Variants in CRMP1 observed in about 807,000 individuals in gnomAD.
The protein encoded by CRMP1 is dihydropyrimidinase-related protein 1.
CRMP1 carries 19 observed loss-of-function variants against 68.3 expected under a neutral mutation model. The ratio of observed to expected loss-of-function variants is 0.28; its 90% CI spans 0.19 to 0.41. CRMP1 has a LOEUF of 0.41. Ranked by LOEUF, CRMP1 falls within the 10% of genes least tolerant of loss-of-function variation. CRMP1 has a pLI of 1.00. For synonymous variants in CRMP1, 439 were observed against 399.6 expected (o/e 1.10, Z -1.18); for missense variants, 791 against 967.4 (o/e 0.82, Z 2.42).
In CRMP1 at chr4:5,872,153, G is replaced by A. The variant is rs905148343; in HGVS notation, c.382-5397C>T. The stretch of plus-strand genomic sequence containing the variant: ...GAACTTAGAACCCTCCCCCACCCAA[G>A]TAATAAGATCAACGGGCCTTGCCTT... On this transcript the variant is annotated intron_variant, in intron 1 of 13. Transcript: ENST00000324989. This position sits in a 1 kb window ranked among gnomAD's most constrained non-coding sequence, Gnocchi z 4.6. Among the ~76,000 whole-genome samples the A allele has an allele frequency of 6.6e-6, 1 of 151,854 alleles. No individual in the cohort carries two copies. Among genetic ancestry groups the A allele is most frequent in the African/African-American group, 2.4e-5 (1 of 41,334 alleles).
In CRMP1 at chr4:5,834,946, G is replaced by A. The variant is rs1026878875; in HGVS notation, c.1623+969C>T. Reference sequence around the variant, plus strand: ...GCAGGCCATGTCTGTGGCAGCCAATGGATACTCCAGGGCCATGGCCGTGAG... The same window carrying A: ...GCAGGCCATGTCTGTGGCAGCCAATAGATACTCCAGGGCCATGGCCGTGAG... On this transcript the variant is annotated intron_variant, in intron 11 of 13. Coordinates refer to ENST00000324989, the MANE Select transcript of CRMP1 (RefSeq NM_001014809.3). The surrounding 1 kb of genome is among the most constrained non-coding windows in gnomAD (Gnocchi z 4.3). Among the ~76,000 whole-genome samples the A allele has an allele frequency of 2.6e-5, 4 of 152,168 alleles. No individual in the cohort carries two copies. Among genetic ancestry groups the A allele is most frequent in the Admixed American group, 1.3e-4 (2 of 15,282 alleles).
chr4:5,871,345 C>CCCGGTG (rs1375952407), intron 1 of CRMP1, among the ~76,000 whole-genome samples: 1 of 152,142 alleles, frequency 6.6e-6, no homozygotes, highest in African/African-American at 2.4e-5. Context: ...ACAGGGGTTA[C>CCCGGTG]CCGGTGCCGT....
At position 5,850,859 on chromosome 4, in the gene CRMP1, T is replaced by C. The variant is rs1712568677; in HGVS notation, c.882+549A>G. On this transcript the variant is annotated intron_variant, in intron 5 of 13. Transcript: ENST00000324989. The surrounding 1 kb of genome is among the most constrained non-coding windows in gnomAD (Gnocchi z 4.4). ...TAACCACTCCTCCTGAAGAACAACT[T>C]GCGGCTCCATATCCCTTGACTTGGT... 1.3e-5 allele frequency among the ~76,000 whole-genome samples: 2 copies of C among 152,164 alleles called. No individual in the cohort carries two copies. The highest frequency in any genetic ancestry group is 2.9e-5 in the Non-Finnish European group (2 of 68,028).
intron 6 of CRMP1, among the ~76,000 whole-genome samples, chr4:5,844,654 G>C (rs540589442): frequency 6.6e-6 from 1 of 152,238 alleles, no homozygotes; most frequent in Non-Finnish European, 1.5e-5. Flanking sequence ...TGGATGTGCT[G>C]GAGCTGGAAC....
Position 5,888,295 on chromosome 4 carries a change from G to T in CRMP1, c.381+4294C>A. On this transcript the variant is annotated intron_variant, in intron 1 of 13. Coordinates refer to ENST00000324989, the MANE Select transcript of CRMP1 (RefSeq NM_001014809.3). This position sits in a 1 kb window ranked among gnomAD's most constrained non-coding sequence, Gnocchi z 6.4. ...CCCCTCTGGCGCCCTCGGCCCGGCC[G>T]CTGACCTGCGGGGCTGTCTGACTGG... 1 of 1,259,770 alleles carries T rather than the reference G, an allele frequency of 7.9e-7. No individual in the cohort carries two copies. The allele number at this position is 1,259,770 out of a possible 1,614,324, so 78.0% of individuals were successfully genotyped here. A position where few individuals can be genotyped will look rare whatever the true frequency, so the allele number is the denominator to read the frequency against.
intron 2 of CRMP1, among the ~76,000 whole-genome samples, chr4:5,864,265 T>TG (rs1321935144): frequency 6.6e-6 from 1 of 152,022 alleles, no homozygotes; most frequent in Non-Finnish European, 1.5e-5. Context: ...GTGTGTGGGA[T>TG]GGGGGAGCCC....
In CRMP1 at chr4:5,861,252, A is replaced by C; in HGVS notation, c.471-42T>G. On this transcript the variant is annotated intron_variant, in intron 2 of 13. Transcript: ENST00000324989. The surrounding 1 kb of genome is among the most constrained non-coding windows in gnomAD (Gnocchi z 6.0). ...GAGACAGCCTTGGTTCTTAAAGGAAAAGTAGAATGGGCAGTCAACCCGCAG... is the reference window on the plus strand; with the variant it reads ...GAGACAGCCTTGGTTCTTAAAGGAACAGTAGAATGGGCAGTCAACCCGCAG... The C allele has an allele frequency of 6.3e-7, 1 of 1,587,680 alleles. No individual in the cohort carries two copies. Among genetic ancestry groups the C allele is most frequent in the African/African-American group, 1.3e-5 (1 of 74,422 alleles).
Position 5,825,209 on chromosome 4 carries a change from C to A in CRMP1, c.1969+285G>T, listed in dbSNP as rs1350998942. The A allele has an allele frequency of 2.0e-5, 20 of 985,208 alleles. No homozygotes were observed. The highest frequency in any genetic ancestry group is 3.5e-5 in the African/African-American group (2 of 57,198). The allele number at this position is 985,208 out of a possible 1,614,324, so 61.0% of individuals were successfully genotyped here. ...CATGAGGAAGAGTGTGAAAGTGTCC[C>A]CAAATGTGTGTAAGGATGAGCACTG... On this transcript the variant is annotated intron_variant, in intron 13 of 13. Coordinates refer to ENST00000324989, the MANE Select transcript of CRMP1 (RefSeq NM_001014809.3). The surrounding 1 kb of genome is among the most constrained non-coding windows in gnomAD (Gnocchi z 4.4).
chr4:5,856,873 T>TCAC lies in CRMP1; in HGVS notation c.656-569_656-567dup, dbSNP rs201756940. On this transcript the variant is annotated intron_variant, in intron 3 of 13. Coordinates refer to ENST00000324989, the MANE Select transcript of CRMP1 (RefSeq NM_001014809.3). Reference sequence around the variant, plus strand: ...CATTGTCACCCCACCATCATCACCATCACCACCACCACCACCATCATCATC... The same window carrying TCAC: ...CATTGTCACCCCACCATCATCACCATCACCACCACCACCACCACCATCATCATC... Among the ~76,000 whole-genome samples the TCAC allele has an allele frequency of 5.8e-3, 791 of 135,430 alleles. 4 individuals carry two copies. The highest frequency in any genetic ancestry group is 0.022 in the African/African-American group (738 of 33,800). The allele number at this position is 135,430 out of a possible 152,430, so 88.8% of individuals were successfully genotyped here.
rs1712539641 is a variant in CRMP1, at chr4:5,850,424, A to G, written c.883-952T>C. 1.3e-5 allele frequency among the ~76,000 whole-genome samples: 2 copies of G among 152,116 alleles called. No homozygotes were observed. The highest frequency in any genetic ancestry group is 2.9e-5 in the Non-Finnish European group (2 of 68,022). On this transcript the variant is annotated intron_variant, in intron 5 of 13. Coordinates refer to ENST00000324989, the MANE Select transcript of CRMP1 (RefSeq NM_001014809.3). The surrounding 1 kb of genome is among the most constrained non-coding windows in gnomAD (Gnocchi z 4.4). ...TCAGCTCTTTGAGTGTCTTTTGTTG[A>G]CTGTATCAAAGGCCTCCAGGACATC...
rs1056779361 is a variant in CRMP1 at position 5,865,727 on chromosome 4, G to A, written c.470+941C>T. On this transcript the variant is annotated intron_variant, in intron 2 of 13. Coordinates refer to ENST00000324989, the MANE Select transcript of CRMP1 (RefSeq NM_001014809.3). This position sits in a 1 kb window ranked among gnomAD's most constrained non-coding sequence, Gnocchi z 4.1. ...GTTGAAGCCCCAGCCCACCCCATGG[G>A]ACTACCTTTAGCGACAGGGCCTTTA... Among the ~76,000 whole-genome samples, 2 of 152,092 alleles carry A rather than the reference G, an allele frequency of 1.3e-5. No individual in the cohort carries two copies. Among genetic ancestry groups the A allele is most frequent in the African/African-American group, 4.8e-5 (2 of 41,420 alleles).
chr4:5,836,462 GCA>G (rs1169745428), intron 10 of CRMP1, among the ~76,000 whole-genome samples: 10 of 152,188 alleles, frequency 6.6e-5, no homozygotes, highest in Non-Finnish European at 1.3e-4. Flanking sequence ...GTGTGCACAT[GCA>G]CACACACAGC....
At chr4:5,837,913 AAG>A (rs1166872918) in intron 9 of CRMP1, among the ~76,000 whole-genome samples, 4 of 152,122 alleles carry the variant, frequency 2.6e-5, no homozygotes, top group Admixed American at 6.5e-5. Flanking sequence ...TAAGATCAGA[AAG>A]AGAGAGCTTC....
chr4:5,860,972 T>C lies in CRMP1; in HGVS notation c.655+54A>G. The C allele has an allele frequency of 5.1e-6, 8 of 1,563,112 alleles. No homozygotes were observed. The highest frequency in any genetic ancestry group is 7.0e-6 in the Non-Finnish European group (8 of 1,146,296). On this transcript the variant is annotated intron_variant, in intron 3 of 13. Transcript: ENST00000324989. The surrounding 1 kb of genome is among the most constrained non-coding windows in gnomAD (Gnocchi z 4.2). ...CACTGAGCACTTGTGATGCTGGTGA[T>C]GGGGAGGAGACCTCACAGTCTATGT...
In CRMP1 at chr4:5,824,742, C is replaced by T. The variant is rs1185075351; in HGVS notation, c.1969+752G>A. On this transcript the variant is annotated intron_variant, in intron 13 of 13. Transcript: ENST00000324989. Reference sequence around the variant, plus strand: ...TATCCGGCCTTCTAAGAAAAAAAATCACCATACTCTTAGTACCCAGCACGG... The same window carrying T: ...TATCCGGCCTTCTAAGAAAAAAAATTACCATACTCTTAGTACCCAGCACGG... 3.0e-6 allele frequency: 3 copies of T among 985,106 alleles called. No individual in the cohort carries two copies. In the Admixed American group the frequency reaches 1.8e-4, roughly 61 times the overall value. 61.0% of individuals were successfully genotyped at this position (985,106 alleles called of 1,614,324 possible).
rs570757595 is a variant in CRMP1, at chr4:5,860,262, G to C, written c.655+764C>G. On this transcript the variant is annotated intron_variant, in intron 3 of 13. Coordinates refer to ENST00000324989, the MANE Select transcript of CRMP1 (RefSeq NM_001014809.3). This position sits in a 1 kb window ranked among gnomAD's most constrained non-coding sequence, Gnocchi z 4.2. ...GATGAGGCAGTGAGAAGAAAGGCAA[G>C]TTTCGGCCAGAACCCCCTGCATTCT... Among the ~76,000 whole-genome samples the C allele has an allele frequency of 1.3e-5, 2 of 152,300 alleles. No individual in the cohort carries two copies. The highest frequency in any genetic ancestry group is 4.1e-4 in the South Asian group (2 of 4,820).
intron 6 of CRMP1, among the ~76,000 whole-genome samples, chr4:5,847,960 C>G (rs901979459): frequency 3.9e-5 from 6 of 152,156 alleles, no homozygotes; most frequent in African/African-American, 1.4e-4. Context: ...TATAACCAAT[C>G]CATGCCTCTG....
At chr4:5,847,197 G>A (rs1036682226) in intron 6 of CRMP1, among the ~76,000 whole-genome samples, 1 of 152,134 alleles carries the variant, frequency 6.6e-6, no homozygotes, top group African/African-American at 2.4e-5. Context: ...ACTGCATGTT[G>A]TATATCAGGA....
chr4:5,875,564 T>C (rs1051526728), intron 1 of CRMP1, among the ~76,000 whole-genome samples: 1 of 152,094 alleles, frequency 6.6e-6, no homozygotes, highest in Non-Finnish European at 1.5e-5. Flanking sequence ...GAGGGGAAAT[T>C]TGAGCTGAGT....
Sources: allele counts gnomAD v4.1 joint callset (sites outside exome capture counted in the v4.1 genomes callset), GRCh38; gene constraint gnomAD v4.1.1; non-coding constraint Gnocchi (gnomAD v3.1); transcripts MANE v1.5; gene names NCBI Gene and HGNC (gene_info 2026-07-23, HGNC 2026-07-21).